CFAP299: variants seen among roughly 807,000 people sequenced by gnomAD.
The protein encoded by CFAP299 is cilia and flagella associated protein 299.
A neutral mutation model predicts 27.0 loss-of-function variants in CFAP299; 21 were observed. The observed-to-expected ratio is 0.78, with a 90% CI of 0.55 to 1.12. The LOEUF is 1.12. CFAP299 is among the 50% of genes most tolerant of loss of function. The probability of loss-of-function intolerance (pLI) is 0.00; values close to 1 mark genes in which losing one functional copy is unlikely to be tolerated. For missense variants in CFAP299, 310 were observed against 276.6 expected (o/e 1.12, Z -0.86); for synonymous variants, 104 against 98.1 (o/e 1.06, Z -0.36).
At chr4:80,456,982 G>GC (rs1349662573) in intron 2 of CFAP299, among the ~76,000 whole-genome samples, 1 of 128,054 alleles carries the variant, frequency 7.8e-6, no homozygotes, top group Admixed American at 7.8e-5. Flanking sequence ...CATTCCAAAT[G>GC]CTTTTTTTTT....
rs191151517 is a variant in CFAP299 at position 80,556,043 on chromosome 4, A to C, written c.243-27050A>C. 2.2e-4 allele frequency among the ~76,000 whole-genome samples: 33 copies of C among 152,236 alleles called. No homozygotes were observed. In the East Asian group the frequency reaches 5.2e-3, roughly 24 times the overall value. On this transcript the variant is annotated intron_variant, in intron 2 of 5. Coordinates refer to ENST00000358105, the MANE Select transcript of CFAP299 (RefSeq NM_152770.3). Reference sequence around the variant, plus strand: ...AAACAAAATGAAAACAATCAGCAACATTTCAAACAACAAAAGCCATACAAA... The same window carrying C: ...AAACAAAATGAAAACAATCAGCAACCTTTCAAACAACAAAAGCCATACAAA...
chr4:80,615,113 T>G (rs1738203841), intron 3 of CFAP299, among the ~76,000 whole-genome samples: 1 of 152,194 alleles, frequency 6.6e-6, no homozygotes, highest in East Asian at 1.9e-4. Context: ...TTACATTAAC[T>G]CTTTATGGCC....
intron 4 of CFAP299, among the ~76,000 whole-genome samples, chr4:80,940,367 A>G (rs1737130475): frequency 6.6e-6 from 1 of 151,896 alleles, no homozygotes; most frequent in Non-Finnish European, 1.5e-5. Flanking sequence ...CTAGGCCCTC[A>G]CTCAGCTATC....
rs373415007 is a variant in CFAP299 at position 80,485,242 on chromosome 4, T to C, written c.243-97851T>C. On this transcript the variant is annotated intron_variant, in intron 2 of 5. Transcript: ENST00000358105. ...TTCTATACATGTATATATACATATATGTATAAATATAATAAAATATATATG... is the reference window on the plus strand; with the variant it reads ...TTCTATACATGTATATATACATATACGTATAAATATAATAAAATATATATG... 2.7e-5 allele frequency among the ~76,000 whole-genome samples: 4 copies of C among 149,488 alleles called. No homozygotes were observed. In the South Asian group the frequency reaches 8.3e-4, roughly 31 times the overall value.
chr4:80,714,905 T>C lies in CFAP299; in HGVS notation c.333+131722T>C, dbSNP rs899617633. Among the ~76,000 whole-genome samples the C allele has an allele frequency of 3.3e-5, 5 of 152,224 alleles. No homozygotes were observed. The East Asian group carries it at 5.8e-4, about 18-fold the overall frequency. ...TACTTCCGACATTGACTATTTTGTA[T>C]GTTATTCCAGGAAAAAAATATCAAT... is the stretch of plus-strand genomic sequence containing the variant. On this transcript the variant is annotated intron_variant, in intron 3 of 5. Transcript: ENST00000358105.
intron 1 of CFAP299, among the ~76,000 whole-genome samples, chr4:80,354,017 CTGTT>C (rs1339690932): frequency 6.6e-6 from 1 of 152,144 alleles, no homozygotes; most frequent in Non-Finnish European, 1.5e-5. Context: ...CCTAAGAAGA[CTGTT>C]TGCAGATATT....
intron 2 of CFAP299, among the ~76,000 whole-genome samples, chr4:80,383,847 G>A (rs547438044): frequency 6.6e-6 from 1 of 150,972 alleles, no homozygotes; most frequent in East Asian, 1.9e-4. Flanking sequence ...TTATCTATCT[G>A]TTTTTTTTTG....
intron 4 of CFAP299, among the ~76,000 whole-genome samples, chr4:80,875,073 G>A (rs1211166024): frequency 6.6e-6 from 1 of 151,824 alleles, no homozygotes; most frequent in East Asian, 1.9e-4. Flanking sequence ...TACATCTGTG[G>A]TTCACATTGC....
chr4:80,743,099 G>C (rs1376292398), intron 3 of CFAP299, among the ~76,000 whole-genome samples: 1 of 152,084 alleles, frequency 6.6e-6, no homozygotes, highest in Non-Finnish European at 1.5e-5. Flanking sequence ...TTGTTCAAAA[G>C]TTGTACAAGT....
intron 3 of CFAP299, among the ~76,000 whole-genome samples, chr4:80,681,353 C>G (rs1026349245): frequency 6.6e-6 from 1 of 151,772 alleles, no homozygotes; most frequent in African/African-American, 2.4e-5. Context: ...GGATGAAAGA[C>G]AAGCTGTACC....
chr4:80,774,013 A>C (rs1370238280), intron 3 of CFAP299, among the ~76,000 whole-genome samples: 1 of 152,038 alleles, frequency 6.6e-6, no homozygotes, highest in Non-Finnish European at 1.5e-5. Context: ...TAAGTTTAAA[A>C]TGGTAGAACT....
chr4:80,645,893 T>G (rs1739985457), intron 3 of CFAP299, among the ~76,000 whole-genome samples: 1 of 152,206 alleles, frequency 6.6e-6, no homozygotes, highest in South Asian at 2.1e-4. Context: ...AAGTGATTGG[T>G]AGAAGTATCT....
intron 2 of CFAP299, among the ~76,000 whole-genome samples, chr4:80,504,608 C>T (rs909607692): frequency 6.9e-6 from 1 of 145,464 alleles, no homozygotes; most frequent in East Asian, 2.0e-4. Context: ...AGAGGCAACA[C>T]GTTATACTAT....
At chr4:80,749,677 C>T (rs1302655947) in intron 3 of CFAP299, among the ~76,000 whole-genome samples, 1 of 152,130 alleles carries the variant, frequency 6.6e-6, no homozygotes, top group Non-Finnish European at 1.5e-5. Flanking sequence ...TAGAGTCTGA[C>T]GTTTGAGGGC....
intron 2 of CFAP299, among the ~76,000 whole-genome samples, chr4:80,451,991 A>C (rs1474960752): frequency 6.6e-6 from 1 of 152,188 alleles, no homozygotes; most frequent in Non-Finnish European, 1.5e-5. Context: ...AGGTAGGCAC[A>C]TTACTTGAGT....
At chr4:80,852,419 G>GAC (rs943172390) in intron 3 of CFAP299, among the ~76,000 whole-genome samples, 8 of 152,046 alleles carry the variant, frequency 5.3e-5, no homozygotes, top group African/African-American at 1.7e-4. Context: ...AGAAATTGGA[G>GAC]ACACACACAC....
intron 3 of CFAP299, among the ~76,000 whole-genome samples, chr4:80,800,310 G>T (rs192024643): frequency 0.32 from 19,385 of 60,824 alleles, 3,665 homozygotes; most frequent in African/African-American, 0.55. Context: ...TAATATATAA[G>T]ATATATGATA....
chr4:80,737,113 C>A (rs569392480), intron 3 of CFAP299, among the ~76,000 whole-genome samples: 1 of 140,906 alleles, frequency 7.1e-6, no homozygotes, highest in Non-Finnish European at 1.5e-5. Flanking sequence ...AACTGAACAA[C>A]GAGAACACAT....
At chr4:80,956,265 T>C (rs535174637) in intron 5 of CFAP299, among the ~76,000 whole-genome samples, 1 of 152,330 alleles carries the variant, frequency 6.6e-6, no homozygotes, top group East Asian at 1.9e-4. Flanking sequence ...TTTACAATTA[T>C]ATCTGAGCTG....
Sources: allele counts gnomAD v4.1 joint callset (sites outside exome capture counted in the v4.1 genomes callset), GRCh38; gene constraint gnomAD v4.1.1; transcripts MANE v1.5; gene names NCBI Gene and HGNC (gene_info 2026-07-23, HGNC 2026-07-21).